Variants in HIVEP3 observed in about 807,000 individuals in gnomAD.
HIVEP3 encodes the protein transcription factor HIVEP3.
Under a neutral mutation model 152.8 loss-of-function variants are expected in HIVEP3, and 49 were observed. The observed-to-expected ratio is 0.32, with a 90% CI of 0.26 to 0.41. HIVEP3 has a LOEUF of 0.41. Ranked by LOEUF, HIVEP3 falls within the 10% of genes least tolerant of loss-of-function variation. HIVEP3 has a pLI of 1.00. For missense variants in HIVEP3, 2,790 were observed against 3,103.3 expected (o/e 0.90, Z 2.40); for synonymous variants, 1,269 against 1,289.0 (o/e 0.98, Z 0.33).
intron 5 of HIVEP3, among the ~76,000 whole-genome samples, chr1:41,540,525 C>T (rs971780676): frequency 2.6e-5 from 4 of 152,110 alleles, no homozygotes; most frequent in Admixed American, 6.6e-5. Flanking sequence ...GGAAAGGAGA[C>T]GGATAGAGAA....
At chr1:41,713,461 A>C (rs1008388023) in intron 1 of HIVEP3, among the ~76,000 whole-genome samples, 3 of 152,204 alleles carry the variant, frequency 2.0e-5, no homozygotes, top group African/African-American at 7.2e-5. Context: ...GGGCATGTAG[A>C]GCTCTGGATT....
chr1:41,978,718 A>G (rs1645276308), intron 1 of HIVEP3, among the ~76,000 whole-genome samples: 1 of 152,228 alleles, frequency 6.6e-6, no homozygotes, highest in South Asian at 2.1e-4. Flanking sequence ...TCTTCTGGGT[A>G]CTAAGAATAC....
At chr1:41,669,958 A>G (rs926325464) in intron 2 of HIVEP3, among the ~76,000 whole-genome samples, 9 of 152,142 alleles carry the variant, frequency 5.9e-5, no homozygotes, top group African/African-American at 2.2e-4. Flanking sequence ...AGGACCCCAT[A>G]TTCCTTTTTG....
At chr1:41,849,454 T>A (rs1354086239) in intron 1 of HIVEP3, among the ~76,000 whole-genome samples, 2 of 152,148 alleles carry the variant, frequency 1.3e-5, no homozygotes, top group African/African-American at 4.8e-5. Context: ...CCTGCCTCCT[T>A]GCTAACCCCT....
chr1:41,809,894 T>C (rs972983985), intron 1 of HIVEP3, among the ~76,000 whole-genome samples: 2 of 152,152 alleles, frequency 1.3e-5, no homozygotes, highest in Non-Finnish European at 2.9e-5. Context: ...CTGGGGACTT[T>C]CCTGAAGCTA....
chr1:41,672,633 T>C (rs527863919), intron 2 of HIVEP3, among the ~76,000 whole-genome samples: 1 of 152,340 alleles, frequency 6.6e-6, no homozygotes, highest in South Asian at 2.1e-4. Flanking sequence ...TAATTTGTGA[T>C]TGATCACACA....
intron 5 of HIVEP3, among the ~76,000 whole-genome samples, chr1:41,531,449 T>C (rs111162019): frequency 1.1e-4 from 9 of 83,100 alleles, no homozygotes; most frequent in South Asian, 4.5e-4. Flanking sequence ...ACAGGGGAGA[T>C]GGAGGACATG....
intron 1 of HIVEP3, chr1:41,847,730 CA>C (rs893189167): frequency 3.9e-5 from 6 of 152,426 alleles, no homozygotes; most frequent in East Asian, 3.9e-4. Context: ...CACCTTCCTC[CA>C]GGGGTGGATC....
intron 5 of HIVEP3, among the ~76,000 whole-genome samples, chr1:41,536,466 G>A (rs641974): frequency 0.34 from 52,058 of 151,990 alleles, 9,376 homozygotes; most frequent in Non-Finnish European, 0.4. Context: ...GTAAATATAA[G>A]TGGCTATATT....
chr1:41,545,698 C>CCAT (rs1558049449), intron 5 of HIVEP3, among the ~76,000 whole-genome samples: 1 of 4,714 alleles, frequency 2.1e-4, no homozygotes, highest in Middle Eastern at 0.042. Flanking sequence ...ACCACCATCA[C>CCAT]CACCACCACC....
chr1:41,809,249 T>C (rs1328861257), intron 1 of HIVEP3, among the ~76,000 whole-genome samples: 1 of 152,248 alleles, frequency 6.6e-6, no homozygotes, highest in African/African-American at 2.4e-5. Flanking sequence ...ATGGTTACCA[T>C]GTTAGGGTTA....
At chr1:41,833,930 G>A (rs1436065195) in intron 1 of HIVEP3, among the ~76,000 whole-genome samples, 2 of 152,122 alleles carry the variant, frequency 1.3e-5, no homozygotes, top group Non-Finnish European at 2.9e-5. Context: ...AATGGCGAGG[G>A]GGTAGTATTG....
At chr1:41,720,697 G>T (rs1646662077) in intron 1 of HIVEP3, among the ~76,000 whole-genome samples, 1 of 152,158 alleles carries the variant, frequency 6.6e-6, no homozygotes, top group Non-Finnish European at 1.5e-5. Flanking sequence ...CCACTGCTGG[G>T]TATTTATCCA....
At chr1:41,675,333 C>T (rs1014793941) in intron 2 of HIVEP3, among the ~76,000 whole-genome samples, 6 of 152,108 alleles carry the variant, frequency 3.9e-5, no homozygotes, top group Admixed American at 1.3e-4. Flanking sequence ...GTGTCTGTGC[C>T]TGGGACACTC....
intron 1 of HIVEP3, among the ~76,000 whole-genome samples, chr1:41,712,792 G>A (rs1450665039): frequency 1.3e-5 from 2 of 152,132 alleles, no homozygotes; most frequent in Admixed American, 6.5e-5. Context: ...CATCCTCCCT[G>A]GGGAGAAGCA....
At chr1:41,920,393 G>A (rs915969117), upstream of HIVEP3, among the ~76,000 whole-genome samples, 9 of 152,072 alleles carry the variant, frequency 5.9e-5, no homozygotes, top group African/African-American at 1.4e-4. Context: ...CCAGCCCCCC[G>A]GGGAATAGGG....
chr1:41,966,582 T>G (rs971630781), intron 1 of HIVEP3, among the ~76,000 whole-genome samples: 3 of 149,614 alleles, frequency 2.0e-5, no homozygotes, highest in African/African-American at 7.4e-5. Flanking sequence ...CACGCCATTC[T>G]CCTGCCTCAG....
At chr1:41,881,029 T>C (rs1644252817) in intron 1 of HIVEP3, among the ~76,000 whole-genome samples, 1 of 152,194 alleles carries the variant, frequency 6.6e-6, no homozygotes, top group Non-Finnish European at 1.5e-5. Flanking sequence ...TGAATCGCAA[T>C]ATTCCACAAT....
chr1:41,573,101 C>T (rs1210494457), intron 5 of HIVEP3, among the ~76,000 whole-genome samples: 1 of 152,074 alleles, frequency 6.6e-6, no homozygotes, highest in Non-Finnish European at 1.5e-5. Context: ...ATAGCAGATC[C>T]TTCTCAAATG....
Sources: allele counts gnomAD v4.1 joint callset (sites outside exome capture counted in the v4.1 genomes callset), GRCh38; gene constraint gnomAD v4.1.1; transcripts MANE v1.5; gene names NCBI Gene and HGNC (gene_info 2026-07-23, HGNC 2026-07-21).